Variants in HSF1 observed in about 807,000 individuals in gnomAD.
The protein encoded by HSF1 is heat shock factor protein 1.
In HSF1, 32 loss-of-function variants were observed where a neutral mutation model predicts 51.7. The ratio of observed to expected loss-of-function variants is 0.62; its 90% CI spans 0.47 to 0.83. HSF1 has a LOEUF of 0.83. Ranked by LOEUF, HSF1 falls within the 40% of genes least tolerant of loss-of-function variation. HSF1 has a pLI of 0.00. For missense variants in HSF1, 727 were observed against 717.0 expected, an observed-to-expected ratio of 1.01 and a Z score of -0.16; for synonymous variants, 396 against 309.7, an observed-to-expected ratio of 1.28 and a Z score of -2.92.
Position 144,309,031 on chromosome 8 carries a change from G to C in HSF1, c.226+17G>C. On this transcript the variant is annotated intron_variant, in intron 2 of 12. Coordinates refer to ENST00000528838, the MANE Select transcript of HSF1 (RefSeq NM_005526.4). Reference sequence around the variant, plus strand: ...TCAACATGTGTGAGTGCTGCCTCCAGGCAGCGCAGGGGTGCGGGAGGCAGA... The same window carrying C: ...TCAACATGTGTGAGTGCTGCCTCCACGCAGCGCAGGGGTGCGGGAGGCAGA... The C allele has an allele frequency of 2.5e-6, 4 of 1,588,120 alleles. No individual in the cohort carries two copies. The highest frequency in any genetic ancestry group is 3.5e-6 in the Non-Finnish European group (4 of 1,156,380).
intron 9 of HSF1, chr8:144,312,593 C>T: frequency 5.3e-6 from 8 of 1,504,776 alleles, no homozygotes; most frequent in African/African-American, 1.4e-5. Flanking sequence ...CCAGCCCCTG[C>T]CTGCAATGGG....
chr8:144,299,896 G>A (rs797033506), intron 1 of HSF1, among the ~76,000 whole-genome samples: 21 of 152,120 alleles, frequency 1.4e-4, no homozygotes, highest in African/African-American at 5.1e-4. Context: ...GTGACAGAGC[G>A]AGACCCCGTC....
chr8:144,311,387 G>C lies in HSF1; in HGVS notation c.626+5G>C. On this transcript the variant is annotated splice_donor_5th_base_variant and intron_variant, in intron 6 of 12. Coordinates refer to ENST00000528838, the MANE Select transcript of HSF1 (RefSeq NM_005526.4). ...CCTGGGGGTGAAGAGAAAGATGTGAGGTTTTGGGGATGCCTGCATCCACCA... is the reference window on the plus strand; with the variant it reads ...CCTGGGGGTGAAGAGAAAGATGTGACGTTTTGGGGATGCCTGCATCCACCA... The C allele has an allele frequency of 1.2e-6, 2 of 1,613,932 alleles. No individual in the cohort carries two copies. The highest frequency in any genetic ancestry group is 1.7e-6 in the Non-Finnish European group (2 of 1,179,990).
intron 2 of HSF1, 90 bp from the exon 3 acceptor site, chr8:144,309,365 C>G: frequency 1.3e-6 from 2 of 1,562,630 alleles, no homozygotes; most frequent in Non-Finnish European, 1.7e-6. Flanking sequence ...CATGGCCAAG[C>G]CCCGCAGCAG....
rs138392604 is a variant in HSF1 at position 144,308,989 on chromosome 8, C to A, written c.201C>A (p.Ala67=). The A allele has an allele frequency of 3.1e-6, 5 of 1,613,832 alleles. No individual in the cohort carries two copies. The highest frequency in any genetic ancestry group is 4.2e-6 in the Non-Finnish European group (5 of 1,179,812). The change falls in exon 2 of 13, where the codon GCC becomes GCA. Residue 67 remains alanine (A), a synonymous_variant. Transcript: ENST00000528838. ...LPKYFKHNNM[A]SFVRQLNMYG... Reference sequence around the variant, plus strand: ...AGTACTTCAAGCACAACAACATGGCCAGCTTCGTGCGGCAGCTCAACATGT... The same window carrying A: ...AGTACTTCAAGCACAACAACATGGCAAGCTTCGTGCGGCAGCTCAACATGT...
At position 144,291,638 on chromosome 8, in the gene HSF1, G is replaced by T; in HGVS notation, c.-120G>T. ...ATGGCGGCGGCCATGCTGGGCCCCGGGGCTGTGTGTGCGCAGCGGGCGGCG... is the reference window on the plus strand; with the variant it reads ...ATGGCGGCGGCCATGCTGGGCCCCGTGGCTGTGTGTGCGCAGCGGGCGGCG... On this transcript the variant is annotated 5_prime_UTR_variant, in exon 1 of 13. Coordinates refer to ENST00000528838, the MANE Select transcript of HSF1 (RefSeq NM_005526.4). The surrounding 1 kb of genome is among the most constrained non-coding windows in gnomAD (Gnocchi z 4.1). 1 of 539,070 alleles carries T rather than the reference G, an allele frequency of 1.9e-6. No homozygotes were observed. Among genetic ancestry groups the T allele is most frequent in the South Asian group, 2.7e-5 (1 of 36,548 alleles). The allele number at this position is 539,070 out of a possible 1,614,324, so 33.4% of individuals were successfully genotyped here.
Position 144,311,266 on chromosome 8 carries a change from A to AGGGCCGGCGG in HSF1, c.564+23_564+32dup. 6.2e-7 allele frequency: 1 copy of AGGGCCGGCGG among 1,612,132 alleles called. No individual in the cohort carries two copies. Among genetic ancestry groups the AGGGCCGGCGG allele is most frequent in the East Asian group, 2.2e-5 (1 of 44,810 alleles). ...GTCAACAAGGTGGGGGCAGGGCCAGAGGGCCGGCGGGGGCCCCACAAGGGC... is the reference window on the plus strand; with the variant it reads ...GTCAACAAGGTGGGGGCAGGGCCAGAGGGCCGGCGGGGGCCGGCGGGGGCCCCACAAGGGC... On this transcript the variant is annotated intron_variant, in intron 5 of 12. Transcript: ENST00000528838.
intron 1 of HSF1, among the ~76,000 whole-genome samples, chr8:144,296,931 G>A (rs1815506878): frequency 6.6e-6 from 1 of 152,098 alleles, no homozygotes; most frequent in Admixed American, 6.6e-5. Context: ...GTGTGGTGGG[G>A]GGGGTGCGGT....
intron 1 of HSF1, among the ~76,000 whole-genome samples, chr8:144,302,660 C>G (rs1815969860): frequency 6.6e-6 from 1 of 150,910 alleles, no homozygotes; most frequent in Non-Finnish European, 1.5e-5. Flanking sequence ...AGACCCATCT[C>G]TACAAAAAAA....
rs1247163305 is a variant in HSF1, at chr8:144,312,388, G to A, written c.1142+144G>A. On this transcript the variant is annotated intron_variant, in intron 9 of 12. Coordinates refer to ENST00000528838, the MANE Select transcript of HSF1 (RefSeq NM_005526.4). ...ACCTCGGAGCTCGGGGCTGGGGAGG[G>A]AGACAGGTGCCAGCCAGATCACCCC... 3 of 722,336 alleles carry A rather than the reference G, an allele frequency of 4.2e-6. No individual in the cohort carries two copies. In the African/African-American group the frequency reaches 5.3e-5, roughly 13 times the overall value. 44.7% of individuals were successfully genotyped at this position (722,336 alleles called of 1,614,324 possible). A position where few individuals can be genotyped will look rare whatever the true frequency, so the allele number is the denominator to read the frequency against.
intron 1 of HSF1, among the ~76,000 whole-genome samples, chr8:144,299,976 T>C (rs1815745161): frequency 6.6e-6 from 1 of 152,190 alleles, no homozygotes; most frequent in Non-Finnish European, 1.5e-5. Flanking sequence ...AAAATGTCAC[T>C]GGAACTAATC....
chr8:144,300,444 C>A (rs1404411308), intron 1 of HSF1, among the ~76,000 whole-genome samples: 2 of 152,066 alleles, frequency 1.3e-5, no homozygotes, highest in Admixed American at 1.3e-4. Context: ...GTCTCAATCT[C>A]CTGACCTCGT....
chr8:144,292,826 G>T (rs186255115), intron 1 of HSF1, among the ~76,000 whole-genome samples: 1 of 152,316 alleles, frequency 6.6e-6, no homozygotes, highest in East Asian at 1.9e-4. Context: ...GCCGGGCGTG[G>T]TGGTGCTTGC....
intron 1 of HSF1, among the ~76,000 whole-genome samples, chr8:144,299,739 C>G (rs1222603693): frequency 6.6e-6 from 1 of 151,742 alleles, no homozygotes; most frequent in East Asian, 1.9e-4. Context: ...GAAACCCCGT[C>G]TCTACTAAAA....
At chr8:144,314,081 T>G in intron 12 of HSF1, 27 bp downstream of exon 12, 240 of 915,768 alleles carry the variant, frequency 2.6e-4, no homozygotes, top group Middle Eastern at 3.6e-4. Context: ...CGGCCCCACC[T>G]CTGCCCCCAA....
intron 1 of HSF1, among the ~76,000 whole-genome samples, chr8:144,307,924 GTCTC>G (rs1564618632): frequency 6.6e-6 from 1 of 152,218 alleles, no homozygotes; most frequent in African/African-American, 2.4e-5. Flanking sequence ...GCTTTTCGCC[GTCTC>G]TCTCCTGCTG....
At chr8:144,310,919 C>A in intron 4 of HSF1, 1 of 547,582 alleles carries the variant, frequency 1.8e-6, no homozygotes, top group Middle Eastern at 4.9e-4. Flanking sequence ...CCGGGTGCAC[C>A]TGGCTCGCAT....
chr8:144,302,292 A>G (rs1815941325), intron 1 of HSF1, among the ~76,000 whole-genome samples: 1 of 151,240 alleles, frequency 6.6e-6, no homozygotes, highest in Non-Finnish European at 1.5e-5. Flanking sequence ...GCGGATCACA[A>G]GGTCAGGAAT....
At chr8:144,296,269 C>T (rs1432920616) in intron 1 of HSF1, among the ~76,000 whole-genome samples, 2 of 152,200 alleles carry the variant, frequency 1.3e-5, no homozygotes, top group Admixed American at 6.5e-5. Flanking sequence ...CGCTCAGTCA[C>T]TCAGACCCTG....
Sources: gnomAD v4.1 joint callset for allele counts (sites outside exome capture counted in the v4.1 genomes callset) on GRCh38, gnomAD v4.1.1 for gene constraint, Gnocchi (gnomAD v3.1) non-coding constraint, MANE v1.5 for transcripts, NCBI Gene and HGNC (gene_info 2026-07-23, HGNC 2026-07-21) for gene names.